Variants in CCDC144A observed in about 807,000 individuals in gnomAD.
CCDC144A encodes coiled-coil domain containing 144A.
CCDC144A carries 41 observed loss-of-function variants against 143.8 expected under a neutral mutation model. The observed-to-expected ratio is 0.29, with a 90% CI of 0.22 to 0.37. The LOEUF (loss-of-function observed/expected upper bound fraction) is 0.37, where lower values mean the gene tolerates loss of function less well. Among genes scored for constraint, CCDC144A ranks in the 10% least tolerant of loss-of-function variants. The probability of loss-of-function intolerance (pLI) is 1.00; values close to 1 mark genes in which losing one functional copy is unlikely to be tolerated. For missense variants in CCDC144A, 637 were observed against 1,488.8 expected (o/e 0.43, Z 9.41); for synonymous variants, 242 against 517.9 (o/e 0.47, Z 7.23).
chr17:16,747,874 T>G (rs1597580463), intron 12 of CCDC144A, among the ~76,000 whole-genome samples: 2 of 152,194 alleles, frequency 1.3e-5, no homozygotes, highest in East Asian at 3.8e-4. Flanking sequence ...CAAAGAGAGA[T>G]AGTTTGGCTT....
chr17:16,679,862 T>A, the CCDC144A span, among the ~76,000 whole-genome samples: 1 of 152,082 alleles, frequency 6.6e-6, no homozygotes, highest in Non-Finnish European at 1.5e-5. Flanking sequence ...CTTAAATTAT[T>A]TTTTAAACAA....
intron 8 of CCDC144A, among the ~76,000 whole-genome samples, chr17:16,722,080 G>A (rs1913123058): frequency 6.6e-6 from 1 of 152,152 alleles, no homozygotes; most frequent in South Asian, 2.1e-4. Context: ...GTTTATCAGA[G>A]ATGCTCTTTA....
At chr17:16,715,232 C>A (rs1236790653) in intron 6 of CCDC144A, among the ~76,000 whole-genome samples, 2 of 149,380 alleles carry the variant, frequency 1.3e-5, no homozygotes, top group African/African-American at 4.9e-5. Flanking sequence ...TAAGTAGCTA[C>A]TCAATAAATA....
At chr17:16,709,917 C>T (rs1291150444) in intron 5 of CCDC144A, 11 of 344,038 alleles carry the variant, frequency 3.2e-5, no homozygotes, top group East Asian at 2.8e-4. Context: ...CCAGGAGAGG[C>T]GTCAAGAAAA....
intron 2 of CCDC144A, among the ~76,000 whole-genome samples, chr17:16,704,530 A>G (rs1911935237): frequency 6.6e-6 from 1 of 152,006 alleles, no homozygotes; most frequent in Non-Finnish European, 1.5e-5. Context: ...TTTGTTATGT[A>G]TTCCTTTCCT....
At chr17:16,685,432 T>G (rs1910745113), upstream of CCDC144A, among the ~76,000 whole-genome samples, 2 of 152,008 alleles carry the variant, frequency 1.3e-5, no homozygotes, top group Admixed American at 1.3e-4. Context: ...CAGACTGGAG[T>G]GCAAATGGCG....
At chr17:16,704,663 G>A (rs1241109808) in intron 2 of CCDC144A, among the ~76,000 whole-genome samples, 2 of 151,816 alleles carry the variant, frequency 1.3e-5, no homozygotes, top group East Asian at 3.9e-4. Flanking sequence ...GTTTATCCAA[G>A]TATTTGAAAG....
At chr17:16,711,319 A>T (rs1012002528) in intron 5 of CCDC144A, among the ~76,000 whole-genome samples, 1 of 151,860 alleles carries the variant, frequency 6.6e-6, no homozygotes, top group African/African-American at 2.4e-5. Flanking sequence ...TTATCTTCTT[A>T]TTTCCATGTT....
intron 6 of CCDC144A, among the ~76,000 whole-genome samples, chr17:16,716,913 C>A (rs1912792119): frequency 6.7e-6 from 1 of 150,000 alleles, no homozygotes; most frequent in Non-Finnish European, 1.5e-5. Flanking sequence ...TCCTGGGTTC[C>A]CGCCATTCTC....
At chr17:16,729,991 T>TACACAC (rs1555533309) in intron 9 of CCDC144A, among the ~76,000 whole-genome samples, 17 of 114,858 alleles carry the variant, frequency 1.5e-4, no homozygotes, top group African/African-American at 5.0e-4. Flanking sequence ...TATATATATA[T>TACACAC]ACACACATAC....
intron 12 of CCDC144A, among the ~76,000 whole-genome samples, chr17:16,736,297 A>T (rs1913998184): frequency 7.1e-6 from 1 of 140,718 alleles, no homozygotes; most frequent in East Asian, 2.1e-4. Context: ...TTTTTAGTAG[A>T]GACGGAGTTT....
chr17:16,710,380 A>AG (rs1912335813), intron 5 of CCDC144A: 1 of 152,304 alleles, frequency 6.6e-6, no homozygotes. Context: ...AAAAAAAAAA[A>AG]AAGAAAAGAA....
At chr17:16,707,686 A>G (rs1204319803) in intron 4 of CCDC144A, 144 bp downstream of exon 4, 11 of 511,878 alleles carry the variant, frequency 2.1e-5, no homozygotes, top group Non-Finnish European at 3.5e-5. Context: ...TTAATTTTAA[A>G]TACATTTAAA....
At chr17:16,773,203 C>T (rs1169233953) in intron 16 of CCDC144A, among the ~76,000 whole-genome samples, 18 of 152,056 alleles carry the variant, frequency 1.2e-4, no homozygotes, top group Non-Finnish European at 2.5e-4. Context: ...AGTCCCAGCA[C>T]TTTGGGAGCC....
rs57608957 is a variant in CCDC144A at position 16,722,135 on chromosome 17, A to AT, written c.1891+1487dup. 1.6e-4 allele frequency among the ~76,000 whole-genome samples: 24 copies of AT among 149,946 alleles called. 1 individual carries two copies. Among genetic ancestry groups the AT allele is most frequent in the South Asian group, 6.3e-4 (3 of 4,738 alleles). ...TTGTATTCTTTGGTTACTGAGAGGGATTTTTTTTTTAAATCAGGAATGAAT... is the reference window on the plus strand; with the variant it reads ...TTGTATTCTTTGGTTACTGAGAGGGATTTTTTTTTTTAAATCAGGAATGAAT... On this transcript the variant is annotated intron_variant, in intron 8 of 16. Transcript: ENST00000399273.
intron 16 of CCDC144A, among the ~76,000 whole-genome samples, 193 bp from the exon 17 acceptor site, chr17:16,773,304 G>T (rs1195018713): frequency 1.3e-5 from 2 of 151,992 alleles, no homozygotes; most frequent in African/African-American, 2.4e-5. Flanking sequence ...ACAAAAGCTT[G>T]CCAGGCACAG....
intron 12 of CCDC144A, among the ~76,000 whole-genome samples, chr17:16,751,322 G>A (rs1597583112): frequency 6.6e-6 from 1 of 152,022 alleles, no homozygotes; most frequent in Admixed American, 6.6e-5. Context: ...CTTCCTTGTG[G>A]CTACTTTCCT....
chr17:16,758,368 A>G (rs1379688790), intron 12 of CCDC144A, among the ~76,000 whole-genome samples: 3 of 152,228 alleles, frequency 2.0e-5, no homozygotes, highest in East Asian at 3.8e-4. Flanking sequence ...AGATCCTACC[A>G]TCTTTATCAC....
In CCDC144A at chr17:16,690,335, T is replaced by A; in HGVS notation, c.-66T>A. 1 of 1,303,624 alleles carries A rather than the reference T, an allele frequency of 7.7e-7. No individual in the cohort carries two copies. Among genetic ancestry groups the A allele is most frequent in the Non-Finnish European group, 1.0e-6 (1 of 966,568 alleles). The allele number at this position is 1,303,624 out of a possible 1,614,324, so 80.8% of individuals were successfully genotyped here. On this transcript the variant is annotated 5_prime_UTR_variant, in exon 1 of 17. Transcript: ENST00000399273. Reference sequence around the variant, plus strand: ...GCATTTCTGGCTTGGCGGTCCTCCTTTCGCAGATTGGAAACCGCGGGCTAT... The same window carrying A: ...GCATTTCTGGCTTGGCGGTCCTCCTATCGCAGATTGGAAACCGCGGGCTAT...
Sources: gnomAD v4.1 joint callset for allele counts (sites outside exome capture counted in the v4.1 genomes callset) on GRCh38, gnomAD v4.1.1 for gene constraint, MANE v1.5 for transcripts, NCBI Gene and HGNC (gene_info 2026-07-23, HGNC 2026-07-21) for gene names.